CSMD2: variants seen among roughly 807,000 people sequenced by gnomAD.
CSMD2 encodes CUB and Sushi multiple domains 2.
A neutral mutation model predicts 398.5 loss-of-function variants in CSMD2; 130 were observed. That is an observed-to-expected ratio of 0.33 (90% CI 0.28 to 0.38). The LOEUF is 0.38. Ranked by LOEUF, CSMD2 falls within the 10% of genes least tolerant of loss-of-function variation. The pLI is 1.00. For synonymous variants in CSMD2, 1,828 were observed against 1,908.5 expected, an observed-to-expected ratio of 0.96 and a Z score of 1.10; for missense variants, 3,829 against 4,764.9, an observed-to-expected ratio of 0.80 and a Z score of 5.78.
intron 55 of CSMD2, among the ~76,000 whole-genome samples, chr1:33,557,505 G>T (rs894786051): frequency 6.6e-6 from 1 of 152,148 alleles, no homozygotes; most frequent in African/African-American, 2.4e-5. Flanking sequence ...AGCTAGGAAA[G>T]TGAGAACACA....
At chr1:33,758,149 C>T (rs1310818221) in intron 13 of CSMD2, among the ~76,000 whole-genome samples, 2 of 152,214 alleles carry the variant, frequency 1.3e-5, no homozygotes, top group South Asian at 2.1e-4. Flanking sequence ...CCCTATTGCA[C>T]CCTACACTCC....
chr1:33,788,222 C>G (rs1391554230), intron 12 of CSMD2, among the ~76,000 whole-genome samples: 1 of 151,922 alleles, frequency 6.6e-6, no homozygotes, highest in Non-Finnish European at 1.5e-5. Flanking sequence ...AACCAGGATC[C>G]CGTGGCCGGG....
At chr1:33,895,164 A>G (rs1366150164) in intron 5 of CSMD2, among the ~76,000 whole-genome samples, 1 of 152,198 alleles carries the variant, frequency 6.6e-6, no homozygotes, top group Non-Finnish European at 1.5e-5. Context: ...CAACAGCCCT[A>G]AGAAATATAA....
chr1:33,801,265 T>C (rs1235410906), intron 10 of CSMD2, among the ~76,000 whole-genome samples: 3 of 152,204 alleles, frequency 2.0e-5, no homozygotes, highest in Non-Finnish European at 4.4e-5. Context: ...ACTATCCTGA[T>C]CAAATCAAGT....
chr1:33,546,689 T>G (rs146838184), intron 56 of CSMD2, among the ~76,000 whole-genome samples: 127 of 151,980 alleles, frequency 8.4e-4, no homozygotes, highest in Admixed American at 2.4e-3. Context: ...ATCCATCTTC[T>G]ACTTTGTCCT....
intron 2 of CSMD2, among the ~76,000 whole-genome samples, chr1:34,052,705 T>C (rs1653351037): frequency 6.6e-6 from 1 of 152,180 alleles, no homozygotes; most frequent in Non-Finnish European, 1.5e-5. Context: ...ACTGTGTCCA[T>C]CATGCTTACT....
chr1:34,087,995 TG>T (rs964019502), intron 2 of CSMD2, among the ~76,000 whole-genome samples: 50 of 152,304 alleles, frequency 3.3e-4, no homozygotes, highest in African/African-American at 1.2e-3. Flanking sequence ...CCCCCGCCTC[TG>T]CTGCAGGCTT....
rs776310945 is a variant in CSMD2 at position 33,519,511 on chromosome 1, C to T, written c.*7G>A. 1.1e-5 allele frequency: 17 copies of T among 1,609,370 alleles called. No individual in the cohort carries two copies. Among genetic ancestry groups the T allele is most frequent in the Admixed American group, 3.4e-5 (2 of 59,650 alleles). The stretch of plus-strand genomic sequence containing the variant: ...TCGGTGGCGGTGGTGGCGGCCAGGC[C>T]GGGTGGCTATACTGCTGTGCACACT... On this transcript the variant is annotated 3_prime_UTR_variant, in exon 70 of 71. Coordinates refer to ENST00000373381, the MANE Select transcript of CSMD2 (RefSeq NM_001281956.2). The surrounding 1 kb of genome is among the most constrained non-coding windows in gnomAD (Gnocchi z 5.6).
At chr1:34,104,173 G>A (rs185431868) in intron 1 of CSMD2, among the ~76,000 whole-genome samples, 55 of 152,166 alleles carry the variant, frequency 3.6e-4, no homozygotes, top group Middle Eastern at 3.4e-3. Flanking sequence ...ACTTTTTGCC[G>A]CACTAGTGAA....
intron 5 of CSMD2, among the ~76,000 whole-genome samples, chr1:33,904,826 T>C (rs1396641081): frequency 1.3e-5 from 2 of 152,174 alleles, no homozygotes; most frequent in African/African-American, 4.8e-5. Flanking sequence ...TTTTGTATTT[T>C]TAATAGACAT....
At chr1:33,836,405 T>C (rs1660272678) in intron 6 of CSMD2, among the ~76,000 whole-genome samples, 1 of 152,218 alleles carries the variant, frequency 6.6e-6, no homozygotes, top group Non-Finnish European at 1.5e-5. Flanking sequence ...GACAGGGACA[T>C]TTAAGTCTGC....
At chr1:33,817,165 T>C (rs1272646549) in intron 9 of CSMD2, among the ~76,000 whole-genome samples, 1 of 152,194 alleles carries the variant, frequency 6.6e-6, no homozygotes, top group African/African-American at 2.4e-5. Flanking sequence ...CGCTTTACTC[T>C]AATATCTATC....
At chr1:34,025,794 C>G (rs1305718636) in intron 3 of CSMD2, among the ~76,000 whole-genome samples, 2 of 152,186 alleles carry the variant, frequency 1.3e-5, no homozygotes, top group African/African-American at 2.4e-5. Flanking sequence ...CCAATGGACA[C>G]AGGCTCAAGC....
chr1:33,731,595 T>A (rs1646722192), intron 15 of CSMD2, among the ~76,000 whole-genome samples: 1 of 152,100 alleles, frequency 6.6e-6, no homozygotes, highest in Non-Finnish European at 1.5e-5. Context: ...ATAATTCTCA[T>A]TTATCTCCAG....
At chr1:33,685,696 C>A (rs982452689) in intron 25 of CSMD2, among the ~76,000 whole-genome samples, 1 of 152,206 alleles carries the variant, frequency 6.6e-6, no homozygotes, top group African/African-American at 2.4e-5. Context: ...TGCTCTCTTA[C>A]CCCTAGCTGG....
At chr1:33,724,453 A>C in intron 18 of CSMD2, 63 bp downstream of exon 18, 1 of 1,575,760 alleles carries the variant, frequency 6.3e-7, no homozygotes, top group South Asian at 1.2e-5. Flanking sequence ...TCTTTTGAGC[A>C]CCTGTGTTTC....
chr1:33,630,077 C>CCTTCCTTCCTTCCTTG (rs1295082854), intron 32 of CSMD2, among the ~76,000 whole-genome samples: 1 of 151,688 alleles, frequency 6.6e-6, no homozygotes, highest in Non-Finnish European at 1.5e-5. Flanking sequence ...TTCCTTCCTT[C>CCTTCCTTCCTTCCTTG]CTTCCTTCCT....
Position 33,840,878 on chromosome 1 carries a change from G to A in CSMD2, c.1033+6006C>T, listed in dbSNP as rs549303298. ...TCAGCAGGCCAAGAATAGGACAAAA[G>A]AGTCAGAACATGGACCACAGGATGC... On this transcript the variant is annotated intron_variant, in intron 6 of 70. Transcript: ENST00000373381. Among the ~76,000 whole-genome samples, 3 of 152,324 alleles carry A rather than the reference G, an allele frequency of 2.0e-5. No individual in the cohort carries two copies. In the South Asian group the frequency reaches 6.2e-4, roughly 32 times the overall value.
rs1558250543 is a variant in CSMD2, at chr1:34,016,108, A to G, written c.517+16486T>C. Among the ~76,000 whole-genome samples the G allele has an allele frequency of 3.3e-5, 5 of 152,048 alleles. No homozygotes were observed. The East Asian group carries it at 9.6e-4, about 29-fold the overall frequency. On this transcript the variant is annotated intron_variant, in intron 3 of 70. Coordinates refer to ENST00000373381, the MANE Select transcript of CSMD2 (RefSeq NM_001281956.2). ...ATATACATATATTTAGTTAAGATTT[A>G]TAGTTTATCATTTTATTTATAGAGA...
Sources: gnomAD v4.1 joint callset for allele counts (sites outside exome capture counted in the v4.1 genomes callset) on GRCh38, gnomAD v4.1.1 for gene constraint, Gnocchi (gnomAD v3.1) non-coding constraint, MANE v1.5 for transcripts, NCBI Gene and HGNC (gene_info 2026-07-23, HGNC 2026-07-21) for gene names.